RFX2: variants seen among roughly 807,000 people sequenced by gnomAD.
The protein encoded by RFX2 is DNA-binding protein RFX2.
Under a neutral mutation model 87.8 loss-of-function variants are expected in RFX2, and 20 were observed. That is an observed-to-expected ratio of 0.23 (90% CI 0.16 to 0.33). The LOEUF is 0.33. Among genes scored for constraint, RFX2 ranks in the 10% least tolerant of loss-of-function variants. The pLI, the probability that RFX2 is intolerant of heterozygous loss-of-function variation, is 1.00. For synonymous variants in RFX2, 397 were observed against 431.3 expected (o/e 0.92, Z 0.98); for missense variants, 767 against 1,012.3 (o/e 0.76, Z 3.29).
rs1453649100 is a variant in RFX2, at chr19:6,073,413, G to A, written c.-8-25909C>T. ...GTGCTGATGTGCAACAAATCTCCCT[G>A]TGCTGAGATCGCTCACAGTGTTTCC... On this transcript the variant is annotated intron_variant, in intron 1 of 17. Transcript: ENST00000303657. 4.8e-6 allele frequency: 5 copies of A among 1,039,882 alleles called. No individual in the cohort carries two copies. The African/African-American group carries it at 6.3e-5, about 13-fold the overall frequency. The allele number at this position is 1,039,882 out of a possible 1,614,324, so 64.4% of individuals were successfully genotyped here. A position where few individuals can be genotyped will look rare whatever the true frequency, so the allele number is the denominator to read the frequency against.
In RFX2 at chr19:6,069,009, C is replaced by T. The variant is rs118174926; in HGVS notation, c.-8-21505G>A. On this transcript the variant is annotated intron_variant, in intron 1 of 17. Coordinates refer to ENST00000303657, the MANE Select transcript of RFX2 (RefSeq NM_000635.4). ...AGGTAGAGTCAGCCAGATCTGCTGACGGGTCAAGGGTACCTCCAAGGTTTT... is the reference window on the plus strand; with the variant it reads ...AGGTAGAGTCAGCCAGATCTGCTGATGGGTCAAGGGTACCTCCAAGGTTTT... 1.2e-4 allele frequency among the ~76,000 whole-genome samples: 19 copies of T among 152,222 alleles called. No individual in the cohort carries two copies. The East Asian group carries it at 3.1e-3, about 25-fold the overall frequency.
intron 1 of RFX2, among the ~76,000 whole-genome samples, chr19:6,089,955 T>A (rs1375103265): frequency 6.6e-6 from 1 of 152,112 alleles, no homozygotes; most frequent in East Asian, 1.9e-4. Context: ...GATAACATCT[T>A]TGGATTGTTT....
chr19:6,063,732 G>T lies in RFX2; in HGVS notation c.-8-16228C>A, dbSNP rs2087471765. ...TGACCTCAGCAATGCGGATATGAGG[G>T]GCAGGAATACACTCTGGGGTGGGGC... On this transcript the variant is annotated intron_variant, in intron 1 of 17. Transcript: ENST00000303657. The surrounding 1 kb of genome is among the most constrained non-coding windows in gnomAD (Gnocchi z 4.0). 6.6e-6 allele frequency among the ~76,000 whole-genome samples: 1 copy of T among 152,200 alleles called. No homozygotes were observed. Among genetic ancestry groups the T allele is most frequent in the South Asian group, 2.1e-4 (1 of 4,832 alleles).
chr19:6,097,527 T>C (rs2088047473), intron 1 of RFX2, among the ~76,000 whole-genome samples: 1 of 152,172 alleles, frequency 6.6e-6, no homozygotes, highest in South Asian at 2.1e-4. Context: ...AAGTAATACA[T>C]GTAATACACC....
Position 6,017,811 on chromosome 19 carries a change from C to T in RFX2, c.598-1540G>A, listed in dbSNP as rs1428819265. On this transcript the variant is annotated intron_variant, in intron 6 of 17. Transcript: ENST00000303657. This position sits in a 1 kb window ranked among gnomAD's most constrained non-coding sequence, Gnocchi z 4.1. ...TTGTCCCTGTGCCCCGCACACCCCACAAGACACAAAGTAGGCGTGTCCCCT... is the reference window on the plus strand; with the variant it reads ...TTGTCCCTGTGCCCCGCACACCCCATAAGACACAAAGTAGGCGTGTCCCCT... Among the ~76,000 whole-genome samples the T allele has an allele frequency of 6.6e-6, 1 of 152,072 alleles. No homozygotes were observed. The highest frequency in any genetic ancestry group is 1.9e-4 in the East Asian group (1 of 5,150).
At chr19:6,087,067 A>T (rs2087864849) in intron 1 of RFX2, among the ~76,000 whole-genome samples, 1 of 152,156 alleles carries the variant, frequency 6.6e-6, no homozygotes, top group Non-Finnish European at 1.5e-5. Context: ...TTCGTTGTAT[A>T]AACCAGGCAG....
At chr19:6,019,905 T>A (rs2086786776) in intron 6 of RFX2, 1 of 152,306 alleles carries the variant, frequency 6.6e-6, no homozygotes, top group African/African-American at 2.4e-5. Flanking sequence ...ATCCTGGAGA[T>A]GTCTCAAGCC....
At chr19:6,095,585 G>C (rs1361927955) in intron 1 of RFX2, among the ~76,000 whole-genome samples, 1 of 152,140 alleles carries the variant, frequency 6.6e-6, no homozygotes, top group Non-Finnish European at 1.5e-5. Flanking sequence ...GGTGGGGTAG[G>C]GAAAATCAGG....
At chr19:6,029,827 T>C (rs2086933808) in intron 5 of RFX2, among the ~76,000 whole-genome samples, 1 of 152,262 alleles carries the variant, frequency 6.6e-6, no homozygotes, top group East Asian at 1.9e-4. Flanking sequence ...GAGTTGAAAG[T>C]ATAATAGCTG....
At position 6,002,904 on chromosome 19, in the gene RFX2, GC is replaced by G; in HGVS notation, c.1501-35del. 1 of 1,582,168 alleles carries G rather than the reference GC, an allele frequency of 6.3e-7. No individual in the cohort carries two copies. Among genetic ancestry groups the G allele is most frequent in the African/African-American group, 1.3e-5 (1 of 74,804 alleles). ...CAGGGCTCGTGGTGAGCAGGGGTTCGCAGGGAGAGCCTGTTCCGCTGCGCTC... is the reference window on the plus strand; with the variant it reads ...CAGGGCTCGTGGTGAGCAGGGGTTCGAGGGAGAGCCTGTTCCGCTGCGCTC... On this transcript the variant is annotated intron_variant, in intron 13 of 17. Coordinates refer to ENST00000303657, the MANE Select transcript of RFX2 (RefSeq NM_000635.4). This position sits in a 1 kb window ranked among gnomAD's most constrained non-coding sequence, Gnocchi z 6.7.
chr19:6,004,864 G>A lies in RFX2; in HGVS notation c.1403-566C>T, dbSNP rs1422666666. Among the ~76,000 whole-genome samples the A allele has an allele frequency of 1.3e-5, 2 of 151,846 alleles. No individual in the cohort carries two copies. Among genetic ancestry groups the A allele is most frequent in the Non-Finnish European group, 2.9e-5 (2 of 67,974 alleles). The stretch of plus-strand genomic sequence containing the variant: ...CCAGGTGTGGTGGCTGACGCCTGTA[G>A]TCCCAGCACTTTGGGAGGCCGAGGT... On this transcript the variant is annotated intron_variant, in intron 12 of 17. Transcript: ENST00000303657. The surrounding 1 kb of genome is among the most constrained non-coding windows in gnomAD (Gnocchi z 4.8).
intron 1 of RFX2, among the ~76,000 whole-genome samples, chr19:6,060,646 T>G (rs1235182628): frequency 1.3e-5 from 2 of 152,174 alleles, no homozygotes; most frequent in Non-Finnish European, 2.9e-5. Flanking sequence ...CTTCTTGAGG[T>G]CCTCACGGGG....
chr19:6,094,954 C>T (rs2087999987), intron 1 of RFX2, among the ~76,000 whole-genome samples: 1 of 152,054 alleles, frequency 6.6e-6, no homozygotes, highest in Non-Finnish European at 1.5e-5. Context: ...TGGTGAAACC[C>T]CGTCTCTACT....
Position 5,994,736 on chromosome 19 carries a change from A to G in RFX2, c.*99T>C. ...CTTGAGTCAAAGTAAACATCACATC[A>G]TCTAAGAGGCACTAATTTGGTGGAG... is the stretch of plus-strand genomic sequence containing the variant. On this transcript the variant is annotated 3_prime_UTR_variant, in exon 18 of 18. Transcript: ENST00000303657. The G allele has an allele frequency of 1.3e-6, 1 of 760,432 alleles. No homozygotes were observed. The highest frequency in any genetic ancestry group is 2.2e-6 in the Non-Finnish European group (1 of 451,152). The allele number at this position is 760,432 out of a possible 1,614,324, so 47.1% of individuals were successfully genotyped here. A position where few individuals can be genotyped will look rare whatever the true frequency, so the allele number is the denominator to read the frequency against.
At chr19:6,092,026 G>A (rs949761511) in intron 1 of RFX2, among the ~76,000 whole-genome samples, 4 of 152,144 alleles carry the variant, frequency 2.6e-5, no homozygotes, top group Non-Finnish European at 5.9e-5. Flanking sequence ...AGTGGGGGGA[G>A]GAAAACTGTG....
chr19:6,097,720 C>G (rs553022316), intron 1 of RFX2, among the ~76,000 whole-genome samples: 1 of 152,200 alleles, frequency 6.6e-6, no homozygotes, highest in South Asian at 2.1e-4. Flanking sequence ...GTAGCTGGGA[C>G]TACAAGTGTG....
In RFX2 at chr19:5,997,028, G is replaced by A; in HGVS notation, c.2013+32C>T. 2 of 1,588,372 alleles carry A rather than the reference G, an allele frequency of 1.3e-6. No homozygotes were observed. The highest frequency in any genetic ancestry group is 1.7e-6 in the Non-Finnish European group (2 of 1,169,938). ...GCCCTCTCCCCACAGGCCCGGCCAA[G>A]CCCCGGCCGTCCCACCCAGGAGGGT... On this transcript the variant is annotated intron_variant, in intron 16 of 17. Transcript: ENST00000303657. This position sits in a 1 kb window ranked among gnomAD's most constrained non-coding sequence, Gnocchi z 4.2.
chr19:6,057,312 G>C (rs1174526009), intron 1 of RFX2: 1 of 152,238 alleles, frequency 6.6e-6, no homozygotes, highest in Non-Finnish European at 1.5e-5. Context: ...GGCACAAAGG[G>C]AAGAGGCTTC....
chr19:6,029,594 A>G (rs567643631), intron 5 of RFX2, among the ~76,000 whole-genome samples: 30 of 152,304 alleles, frequency 2.0e-4, no homozygotes, highest in Admixed American at 3.9e-4. Context: ...CTGTAATTCC[A>G]GCTACTTGAA....
Sources: allele counts gnomAD v4.1 joint callset (sites outside exome capture counted in the v4.1 genomes callset), GRCh38; gene constraint gnomAD v4.1.1; non-coding constraint Gnocchi (gnomAD v3.1); transcripts MANE v1.5; gene names NCBI Gene and HGNC (gene_info 2026-07-23, HGNC 2026-07-21).